MTR: variants seen among roughly 807,000 people sequenced by gnomAD.
MTR encodes 5-methyltetrahydrofolate-homocysteine methyltransferase.
Under a neutral mutation model 154.8 loss-of-function variants are expected in MTR, and 84 were observed. That is an observed-to-expected ratio of 0.54 (90% CI 0.45 to 0.65). MTR has a LOEUF of 0.65. Among genes scored for constraint, MTR ranks in the 30% least tolerant of loss-of-function variants. The pLI, the probability that MTR is intolerant of heterozygous loss-of-function variation, is 0.00. For missense variants in MTR, 1,275 were observed against 1,570.2 expected, an observed-to-expected ratio of 0.81 and a Z score of 3.18; for synonymous variants, 554 against 553.9, an observed-to-expected ratio of 1.00 and a Z score of 0.00.
At chr1:236,892,796 G>T (rs1666403796) in intron 29 of MTR, among the ~76,000 whole-genome samples, 1 of 152,132 alleles carries the variant, frequency 6.6e-6, no homozygotes, top group Non-Finnish European at 1.5e-5. Context: ...AAAAACCTCT[G>T]CTCTAGCCCA....
intron 5 of MTR, 88 bp downstream of exon 5, chr1:236,810,683 A>G: frequency 9.2e-7 from 1 of 1,091,680 alleles, no homozygotes; most frequent in Non-Finnish European, 1.4e-6. Context: ...GGAATCAATA[A>G]CAGGATCTAC....
chr1:236,883,009 ATC>A (rs1272222004), intron 25 of MTR, among the ~76,000 whole-genome samples: 3 of 152,216 alleles, frequency 2.0e-5, no homozygotes, highest in Non-Finnish European at 4.4e-5. Context: ...TTTAGCAGCT[ATC>A]TCATATATTT....
intron 8 of MTR, among the ~76,000 whole-genome samples, chr1:236,822,304 T>G (rs903078034): frequency 1.6e-5 from 2 of 127,384 alleles, no homozygotes; most frequent in African/African-American, 5.4e-5. Context: ...TTTTGTGGGG[T>G]TTTTTTTGTT....
chr1:236,860,221 A>T (rs1664456907), intron 19 of MTR, among the ~76,000 whole-genome samples: 1 of 152,014 alleles, frequency 6.6e-6, no homozygotes, highest in South Asian at 2.1e-4. Context: ...CCCAAACCAC[A>T]AAGAATATTC....
rs766950495 is a variant in MTR, at chr1:236,795,699, AC to A, written c.-4del. 8 of 1,614,122 alleles carry A rather than the reference AC, an allele frequency of 5.0e-6. No individual in the cohort carries two copies. The East Asian group carries it at 1.6e-4, about 31-fold the overall frequency. ...GCCCTCTGCGCAAGGAGGAGACTCG[AC>A]AACATGTCACCCGCGCTCCAAGACC... is the stretch of plus-strand genomic sequence containing the variant. On this transcript the variant is annotated 5_prime_UTR_variant, in exon 1 of 33. Coordinates refer to ENST00000366577, the MANE Select transcript of MTR (RefSeq NM_000254.3).
intron 15 of MTR, 76 bp from the exon 16 acceptor site, chr1:236,850,268 A>G (rs1396988548): frequency 6.5e-6 from 6 of 929,804 alleles, no homozygotes; most frequent in Non-Finnish European, 8.8e-6. Flanking sequence ...TTAAAATAAA[A>G]TAACAGGTAT....
chr1:236,872,283 C>T (rs911406244), intron 22 of MTR, among the ~76,000 whole-genome samples: 10 of 151,948 alleles, frequency 6.6e-5, no homozygotes, highest in African/African-American at 1.9e-4. Context: ...CTCCAGGCTT[C>T]CTCTGCCCCA....
intron 16 of MTR, 73 bp downstream of exon 16, chr1:236,850,596 A>G: frequency 7.5e-7 from 1 of 1,332,024 alleles, no homozygotes; most frequent in Non-Finnish European, 1.1e-6. Flanking sequence ...GGTTAGAACT[A>G]ACTTATATAT....
At chr1:236,803,321 T>A in intron 1 of MTR, 107 bp from the exon 2 acceptor site, 1 of 1,107,750 alleles carries the variant, frequency 9.0e-7, no homozygotes, top group Non-Finnish European at 1.3e-6. Flanking sequence ...TTTTATAAAC[T>A]CCATTTACTC....
At chr1:236,856,459 C>T (rs2066191) in intron 18 of MTR, among the ~76,000 whole-genome samples, 1 of 151,504 alleles carries the variant, frequency 6.6e-6, no homozygotes, top group Non-Finnish European at 1.5e-5. Context: ...TCTCCTTCTT[C>T]TTTCTTCTTT....
chr1:236,860,068 TGCCCC>T, intron 19 of MTR, 146 bp downstream of exon 19: 7 of 264,352 alleles, frequency 2.6e-5, no homozygotes, highest in Admixed American at 5.2e-5. Context: ...GTCCCCCAGC[TGCCCC>T]CCCCCCCCCC....
chr1:236,835,541 C>T lies in MTR; in HGVS notation c.1189-6C>T. The T allele has an allele frequency of 3.7e-6, 6 of 1,612,286 alleles. No individual in the cohort carries two copies. The highest frequency in any genetic ancestry group is 5.1e-6 in the Non-Finnish European group (6 of 1,179,742). ...AATGCTGCTTCCTCTCTCATTCTTC[C>T]TTCAGGAAGCCTTGTGTGTTGCCAA... is the stretch of plus-strand genomic sequence containing the variant. On this transcript the variant is annotated splice_region_variant and splice_polypyrimidine_tract_variant and intron_variant, in intron 13 of 32. Transcript: ENST00000366577.
chr1:236,863,102 TC>T (rs1664639059), intron 21 of MTR, among the ~76,000 whole-genome samples: 1 of 152,186 alleles, frequency 6.6e-6, no homozygotes, highest in African/African-American at 2.4e-5. Context: ...GTTAACCTGT[TC>T]CTTCCCCTCT....
At chr1:236,878,651 A>C (rs1665564527) in intron 24 of MTR, among the ~76,000 whole-genome samples, 1 of 152,224 alleles carries the variant, frequency 6.6e-6, no homozygotes, top group African/African-American at 2.4e-5. Context: ...AAGAAAGTTT[A>C]TGAATTTGTA....
Position 236,812,834 on chromosome 1 carries a change from C to G in MTR, c.599C>G (p.Ala200Gly), listed in dbSNP as rs1331318810. The change falls in exon 6 of 33, where the codon GCC becomes GGC. Residue 200 changes from alanine to glycine, a missense_variant. Ala to Gly is a moderately conservative substitution (Grantham distance 60). Transcript: ENST00000366577. ...CTCATTGAAACTATTTTTGATACTG[C>G]CAATGCCAAGGTGAGTTAAGGGAGA... ...ILLIETIFDT[A>G]NAKAALFALQ... The G allele has an allele frequency of 2.5e-6, 4 of 1,613,612 alleles. No homozygotes were observed. Among genetic ancestry groups the G allele is most frequent in the Non-Finnish European group, 3.4e-6 (4 of 1,179,750 alleles).
At chr1:236,876,639 G>A (rs1256155349) in intron 24 of MTR, among the ~76,000 whole-genome samples, 1 of 152,052 alleles carries the variant, frequency 6.6e-6, no homozygotes, top group Non-Finnish European at 1.5e-5. Context: ...TCAGAAATTT[G>A]CTTCTTGTGC....
At chr1:236,881,297 G>A (rs1387458349) in intron 25 of MTR, among the ~76,000 whole-genome samples, 1 of 152,154 alleles carries the variant, frequency 6.6e-6, no homozygotes, top group African/African-American at 2.4e-5. Flanking sequence ...CTGCTTCTCT[G>A]TGAACATCAT....
intron 24 of MTR, among the ~76,000 whole-genome samples, chr1:236,876,874 C>T (rs1055430016): frequency 3.9e-5 from 6 of 152,168 alleles, no homozygotes; most frequent in Non-Finnish European, 7.4e-5. Flanking sequence ...AATATCTATT[C>T]TCATTGTCTG....
In MTR at chr1:236,852,563, T is replaced by A; in HGVS notation, c.1738T>A (p.Leu580Met). Residue 580 changes from leucine to methionine, a missense_variant, in exon 17 of 33, where the codon TTG becomes ATG. Coordinates refer to ENST00000366577, the MANE Select transcript of MTR (RefSeq NM_000254.3). The stretch of plus-strand genomic sequence containing the variant: ...CAGAATAAGTGGAGGTCTTTCCAAC[T>A]TGTCCTTCTCCTTCCGAGGAATGGA... Reference protein sequence around the residue: ...GARISGGLSNLSFSFRGMEAI... With the variant: ...GARISGGLSNMSFSFRGMEAI... The A allele has an allele frequency of 1.7e-5, 28 of 1,614,092 alleles. No individual in the cohort carries two copies. The highest frequency in any genetic ancestry group is 2.3e-5 in the Non-Finnish European group (27 of 1,179,982).
Sources: gnomAD v4.1 joint callset for allele counts (sites outside exome capture counted in the v4.1 genomes callset) on GRCh38, gnomAD v4.1.1 for gene constraint, MANE v1.5 for transcripts, NCBI Gene and HGNC (gene_info 2026-07-23, HGNC 2026-07-21) for gene names.